MYO5A: variants seen among roughly 807,000 people sequenced by gnomAD.
MYO5A encodes the protein myosin VA, also known as unconventional myosin-Va.
A neutral mutation model predicts 249.7 loss-of-function variants in MYO5A; 98 were observed. The ratio of observed to expected loss-of-function variants is 0.39; its 90% CI spans 0.33 to 0.46. The LOEUF is 0.46. Among genes scored for constraint, MYO5A ranks in the 20% least tolerant of loss-of-function variants. The pLI is 0.98. For synonymous variants in MYO5A, 778 were observed against 810.6 expected, an observed-to-expected ratio of 0.96 and a Z score of 0.68; for missense variants, 1,696 against 2,308.8, an observed-to-expected ratio of 0.73 and a Z score of 5.44.
chr15:52,521,245 A>C (rs933101804), intron 1 of MYO5A, among the ~76,000 whole-genome samples: 3 of 131,458 alleles, frequency 2.3e-5, no homozygotes, highest in Non-Finnish European at 5.0e-5. Flanking sequence ...AAAAAAAAAA[A>C]CCTCTACTGT....
intron 36 of MYO5A, 56 bp downstream of exon 36, chr15:52,327,796 C>G: frequency 6.6e-7 from 1 of 1,507,510 alleles, no homozygotes; most frequent in Non-Finnish European, 9.2e-7. Context: ...TCAATCAGTG[C>G]AGATTCTGTC....
At chr15:52,384,408 T>C in intron 14 of MYO5A, 86 bp from the exon 15 acceptor site, 1 of 1,341,268 alleles carries the variant, frequency 7.5e-7, no homozygotes, top group Non-Finnish European at 1.1e-6. Flanking sequence ...AGAGATTCCC[T>C]TCCTTAAGTA....
Position 52,368,860 on chromosome 15 carries a change from T to C in MYO5A, c.3066+1309A>G, listed in dbSNP as rs140524957. Reference sequence around the variant, plus strand: ...CAGACTAGAAAGGCAAGAACTTGGCTTTGAAAAGGAAAGGAGAATCTTCCC... The same window carrying C: ...CAGACTAGAAAGGCAAGAACTTGGCCTTGAAAAGGAAAGGAGAATCTTCCC... On this transcript the variant is annotated intron_variant, in intron 22 of 41. Transcript: ENST00000399233. 4.4e-4 allele frequency among the ~76,000 whole-genome samples: 67 copies of C among 152,330 alleles called. 1 individual carries two copies. In the East Asian group the frequency reaches 7.1e-3, roughly 16 times the overall value.
At chr15:52,472,368 C>G (rs2453984) in intron 1 of MYO5A, among the ~76,000 whole-genome samples, 1 of 152,020 alleles carries the variant, frequency 6.6e-6, no homozygotes, top group African/African-American at 2.4e-5. Context: ...CTTGAGCCAT[C>G]GCGACTGGCC....
chr15:52,454,317 C>A (rs1312627537), intron 1 of MYO5A, among the ~76,000 whole-genome samples: 4 of 152,050 alleles, frequency 2.6e-5, no homozygotes, highest in Non-Finnish European at 5.9e-5. Flanking sequence ...GAAGATACAA[C>A]AATTATTAAT....
chr15:52,516,644 G>C (rs2141640983), intron 1 of MYO5A, among the ~76,000 whole-genome samples: 1 of 152,304 alleles, frequency 6.6e-6, no homozygotes, highest in South Asian at 2.1e-4. Context: ...CTGCTATAAA[G>C]ATTCCATTCT....
intron 1 of MYO5A, among the ~76,000 whole-genome samples, chr15:52,489,092 T>A (rs2076882539): frequency 6.6e-6 from 1 of 152,146 alleles, no homozygotes; most frequent in Non-Finnish European, 1.5e-5. Context: ...ACCTTCCTTA[T>A]ACCACATAGA....
chr15:52,381,389 C>A (rs2041730936), intron 16 of MYO5A, among the ~76,000 whole-genome samples: 1 of 151,776 alleles, frequency 6.6e-6, no homozygotes, highest in Non-Finnish European at 1.5e-5. Context: ...GCAGGACTGG[C>A]ACGGGGGTAG....
intron 4 of MYO5A, among the ~76,000 whole-genome samples, chr15:52,423,119 G>A (rs1457718291): frequency 1.3e-5 from 2 of 152,124 alleles, no homozygotes; most frequent in Non-Finnish European, 2.9e-5. Context: ...CTGGCGTTTG[G>A]ACGGTGTTCA....
chr15:52,387,852 T>C lies in MYO5A; in HGVS notation c.1729A>G (p.Ile577Val), dbSNP rs777838101. 2 of 1,610,564 alleles carry C rather than the reference T, an allele frequency of 1.2e-6. No individual in the cohort carries two copies. The highest frequency in any genetic ancestry group is 1.7e-6 in the Non-Finnish European group (2 of 1,177,176). The change falls in exon 14 of 42, where the codon ATT (isoleucine) becomes GTT (valine). Residue 577 changes from isoleucine (I) to valine (V), a missense_variant. By Grantham distance (29) the Ile-to-Val change is conservative. Coordinates refer to ENST00000399233, the MANE Select transcript of MYO5A (RefSeq NM_001382347.1). ...KNKDTVFEEQ[I>V]KVLKSSKFKM... The stretch of plus-strand genomic sequence containing the variant: ...ACCTTGCTTGATTTAAGAACTTTAA[T>C]TTGTTCTTCAAAAACGGTGTCTTTA...
chr15:52,381,327 A>C (rs535968913), intron 16 of MYO5A, among the ~76,000 whole-genome samples: 243 of 152,308 alleles, frequency 1.6e-3, no homozygotes, highest in African/African-American at 5.7e-3. Flanking sequence ...GCAGAGAGAA[A>C]GACAGCAGTC....
intron 1 of MYO5A, among the ~76,000 whole-genome samples, chr15:52,507,196 G>T (rs2077290507): frequency 6.6e-6 from 1 of 152,110 alleles, no homozygotes; most frequent in Non-Finnish European, 1.5e-5. Flanking sequence ...CTGACTTTAG[G>T]ATTCAAGCAA....
intron 1 of MYO5A, among the ~76,000 whole-genome samples, chr15:52,493,673 A>G (rs11070898): frequency 0.15 from 22,630 of 147,390 alleles, 1,803 homozygotes; most frequent in Middle Eastern, 0.22. Context: ...AAAAAAAAAG[A>G]AAAAAAATGT....
In MYO5A at chr15:52,330,360, C is replaced by A. The variant is rs2038834022; in HGVS notation, c.4548G>T (p.Leu1516=). ...AATGCAGAAAATACTTGCCCAGAAT[C>A]AGGTTCTTAACAAGTTTTTGCTCAT... The part of the protein sequence containing the change: ...KEDEQKLVKN[L]ILELKPRGVA... Residue 1516 remains leucine (L), a synonymous_variant, in exon 35 of 42, where the codon CTG becomes CTT. Transcript: ENST00000399233. 4.3e-6 allele frequency: 7 copies of A among 1,613,952 alleles called. No homozygotes were observed. The highest frequency in any genetic ancestry group is 5.9e-6 in the Non-Finnish European group (7 of 1,179,974).
intron 30 of MYO5A, among the ~76,000 whole-genome samples, chr15:52,344,399 G>C (rs183079017): frequency 1.7e-3 from 254 of 152,172 alleles, no homozygotes; most frequent in African/African-American, 5.9e-3. Flanking sequence ...CCAGTCCCAC[G>C]ATCACAAAAC....
intron 1 of MYO5A, among the ~76,000 whole-genome samples, chr15:52,478,964 T>G (rs773223469): frequency 3.9e-5 from 6 of 152,204 alleles, no homozygotes. Flanking sequence ...CAGTGCCATG[T>G]GCAGTCTATG....
chr15:52,471,197 TAC>T (rs778306187), intron 1 of MYO5A, among the ~76,000 whole-genome samples: 6 of 152,316 alleles, frequency 3.9e-5, no homozygotes, highest in Middle Eastern at 6.8e-3. Context: ...CACAAAATAG[TAC>T]AGTTATCTTG....
At chr15:52,469,223 T>A (rs1182165202) in intron 1 of MYO5A, among the ~76,000 whole-genome samples, 1 of 152,184 alleles carries the variant, frequency 6.6e-6, no homozygotes, top group African/African-American at 2.4e-5. Context: ...TGGAAATTTG[T>A]GTGTAACTTT....
rs1226097359 is a variant in MYO5A at position 52,351,421 on chromosome 15, C to T, written c.3682G>A (p.Ala1228Thr). The T allele has an allele frequency of 6.2e-7, 1 of 1,614,162 alleles. No individual in the cohort carries two copies. The highest frequency in any genetic ancestry group is 8.5e-7 in the Non-Finnish European group (1 of 1,180,016). The change falls in exon 28 of 42, where the codon GCC becomes ACC. Residue 1228 changes from alanine to threonine, a missense_variant. Ala to Thr is a moderately conservative substitution (Grantham distance 58). This residue lies in a region of MYO5A where 625 missense variants were observed against 908.1 expected (regional missense o/e 0.69). Coordinates refer to ENST00000399233, the MANE Select transcript of MYO5A (RefSeq NM_001382347.1). ...LKNELNELRK[A>T]LSEKSAPEVT... ...TCTGGGGCACTTTTCTCACTGAGGG[C>T]CTTGCGCAACTCATTTAGCTCATTC...
Sources: gnomAD v4.1 joint callset for allele counts (sites outside exome capture counted in the v4.1 genomes callset) on GRCh38, gnomAD v4.1.1 for gene constraint, gnomAD v4.1.1 regional missense constraint, MANE v1.5 for transcripts, NCBI Gene and HGNC (gene_info 2026-07-23, HGNC 2026-07-21) for gene names.